The following HEYL variants were observed in gnomAD, a reference collection of about 807,000 sequenced individuals.
HEYL encodes hairy/enhancer-of-split related with YRPW motif-like protein.
HEYL carries 12 observed loss-of-function variants against 18.6 expected under a neutral mutation model. The observed-to-expected ratio is 0.65, with a 90% CI of 0.41 to 1.05. The LOEUF (loss-of-function observed/expected upper bound fraction) is 1.05, where lower values mean the gene tolerates loss of function less well. HEYL is among the 50% of genes least tolerant of loss of function. The pLI is 0.00. For synonymous variants in HEYL, 159 were observed against 179.6 expected (o/e 0.89, Z 0.91); for missense variants, 420 against 444.7 (o/e 0.94, Z 0.50).
chr1:39,637,026 A>G (rs1646365195), intron 1 of HEYL, among the ~76,000 whole-genome samples: 1 of 152,236 alleles, frequency 6.6e-6, no homozygotes, highest in East Asian at 1.9e-4. Flanking sequence ...ACTGAGGTTC[A>G]GAAAGGGGTA....
intron 2 of HEYL, among the ~76,000 whole-genome samples, 155 bp downstream of exon 2, chr1:39,632,494 G>A (rs1161212295): frequency 6.6e-6 from 1 of 152,204 alleles, no homozygotes; most frequent in East Asian, 1.9e-4. Flanking sequence ...GGCTTGCCTG[G>A]AATCACCCTG....
rs1383665703 is a variant in HEYL, at chr1:39,623,896, G to T, written c.*2611C>A. On this transcript the variant is annotated 3_prime_UTR_variant, in exon 5 of 5. Coordinates refer to ENST00000372852, the MANE Select transcript of HEYL (RefSeq NM_014571.4). ...GGCAAGAAATGAGGCTGGAAATGAG[G>T]TTGGGACCAAAAGAAGACCTTTAGA... Among the ~76,000 whole-genome samples, 1 of 152,208 alleles carries T rather than the reference G, an allele frequency of 6.6e-6. No individual in the cohort carries two copies. Among genetic ancestry groups the T allele is most frequent in the African/African-American group, 2.4e-5 (1 of 41,452 alleles).
rs2124117192 is a variant in HEYL, at chr1:39,632,717, T to C, written c.81-2A>G. 6.2e-7 allele frequency: 1 copy of C among 1,613,872 alleles called. No individual in the cohort carries two copies. The highest frequency in any genetic ancestry group is 2.2e-5 in the East Asian group (1 of 44,836). On this transcript the variant is annotated splice_acceptor_variant, in intron 1 of 4. Coordinates refer to ENST00000372852, the MANE Select transcript of HEYL (RefSeq NM_014571.4). LOFTEE classifies it high-confidence loss of function. ...GTGGACAGCGGCCTGGCCATCTGGC[T>C]GGAAAGGAAAAGAAAAGCTGATTTT...
intron 1 of HEYL, among the ~76,000 whole-genome samples, chr1:39,634,882 A>G (rs1319118843): frequency 1.3e-5 from 2 of 152,210 alleles, no homozygotes; most frequent in African/African-American, 4.8e-5. Context: ...CTCATGGTAG[A>G]GCTTTCTTCT....
intron 2 of HEYL, among the ~76,000 whole-genome samples, chr1:39,632,231 T>TG (rs1278934570): frequency 2.0e-5 from 3 of 152,166 alleles, no homozygotes; most frequent in Admixed American, 2.0e-4. Flanking sequence ...CTGAACATGA[T>TG]GGACAGATGA....
chr1:39,626,987 A>G lies in HEYL; in HGVS notation c.507T>C (p.Pro169=), dbSNP rs745987902. The stretch of plus-strand genomic sequence containing the variant: ...ACCAGGGCCAGGCAGGGAAGGCCAA[A>G]GGGCCAGTGGGCGTGGGCGAAGGCT... The part of the protein sequence containing the change: ...EMEPSPTPTG[P]LAFPAWPWSF... The change falls in exon 5 of 5, where the codon CCT becomes CCC. Residue 169 remains proline, a synonymous_variant. Coordinates refer to ENST00000372852, the MANE Select transcript of HEYL (RefSeq NM_014571.4). The G allele has an allele frequency of 1.9e-6, 3 of 1,614,154 alleles. No homozygotes were observed. The highest frequency in any genetic ancestry group is 3.3e-5 in the Admixed American group (2 of 60,026).
intron 1 of HEYL, chr1:39,633,004 C>T (rs1445842112): frequency 6.2e-6 from 6 of 974,354 alleles, no homozygotes; most frequent in Non-Finnish European, 4.9e-6. Context: ...GTGGCTCCGG[C>T]TCCTGCAACC....
At chr1:39,628,703 T>C (rs1646315409) in intron 4 of HEYL, among the ~76,000 whole-genome samples, 1 of 152,216 alleles carries the variant, frequency 6.6e-6, no homozygotes, top group South Asian at 2.1e-4. Flanking sequence ...GTTCATGCCA[T>C]TCTCCTGCCT....
In HEYL at chr1:39,627,510, C is replaced by T. The variant is rs190242678; in HGVS notation, c.314-330G>A. 1.4e-3 allele frequency among the ~76,000 whole-genome samples: 220 copies of T among 152,330 alleles called. 1 individual carries two copies. Among genetic ancestry groups the T allele is most frequent in the Non-Finnish European group, 2.2e-3 (148 of 68,030 alleles). On this transcript the variant is annotated intron_variant, in intron 4 of 4. Coordinates refer to ENST00000372852, the MANE Select transcript of HEYL (RefSeq NM_014571.4). The stretch of plus-strand genomic sequence containing the variant: ...TAACTTCATTGAAGTAGATACTTGA[C>T]AGATATGAAAGGTTATGCACTTGGA...
Position 39,626,735 on chromosome 1 carries a change from C to A in HEYL, c.759G>T (p.Arg253Ser). The A allele has an allele frequency of 6.6e-7, 1 of 1,514,014 alleles. No homozygotes were observed. Among genetic ancestry groups the A allele is most frequent in the Non-Finnish European group, 8.9e-7 (1 of 1,126,894 alleles). 93.8% of individuals were successfully genotyped at this position (1,514,014 alleles called of 1,614,324 possible). Residue 253 changes from arginine (R) to serine (S), a missense_variant, in exon 5 of 5, where the codon AGG becomes AGT. Coordinates refer to ENST00000372852, the MANE Select transcript of HEYL (RefSeq NM_014571.4). Reference protein sequence around the residue: ...SSTRRARPLERPATPVPVAPS... With the variant: ...SSTRRARPLESPATPVPVAPS... Reference sequence around the variant, plus strand: ...GGGCGACAGGCACAGGGGTCGCTGGCCTCTCTAGGGGGCGGGCCCTCCGGG... The same window carrying A: ...GGGCGACAGGCACAGGGGTCGCTGGACTCTCTAGGGGGCGGGCCCTCCGGG...
In HEYL at chr1:39,626,916, AG is replaced by A. The variant is rs1180784658; in HGVS notation, c.577del (p.Leu193SerfsTer59). Reference sequence around the variant, plus strand: ...GCTGGGCACTCTTCCCAGGATGGCGAGCTGGTTGCTCAGGGCTGGCAGCCCT... The same window carrying A: ...GCTGGGCACTCTTCCCAGGATGGCGACTGGTTGCTCAGGGCTGGCAGCCCT... ...CPGLPALSNQ[L>X]AILGRVPSPV... is the part of the protein sequence containing the mutation. On this transcript the variant is annotated frameshift_variant, in exon 5 of 5. Transcript: ENST00000372852. LOFTEE classifies it low-confidence loss of function (END_TRUNC). 1 of 1,611,398 alleles carries A rather than the reference AG, an allele frequency of 6.2e-7. No individual in the cohort carries two copies. The highest frequency in any genetic ancestry group is 1.7e-5 in the Admixed American group (1 of 59,860).
At chr1:39,629,475 A>G (rs1409291085) in intron 4 of HEYL, among the ~76,000 whole-genome samples, 1 of 152,152 alleles carries the variant, frequency 6.6e-6, no homozygotes, top group Non-Finnish European at 1.5e-5. Context: ...GCCTGCCCCA[A>G]GGTGACAATG....
chr1:39,626,882 G>T lies in HEYL; in HGVS notation c.612C>A (p.Leu204=). Residue 204 remains leucine, a synonymous_variant, in exon 5 of 5, where the codon CTC becomes CTA. Transcript: ENST00000372852. Reference sequence around the variant, plus strand: ...GGTAAGCAGGAGAGGAGACACCGGGGAGGACAGGGCTGGGCACTCTTCCCA... The same window carrying T: ...GGTAAGCAGGAGAGGAGACACCGGGTAGGACAGGGCTGGGCACTCTTCCCA... ...AILGRVPSPV[L]PGVSSPAYPI... 1.2e-6 allele frequency: 2 copies of T among 1,602,850 alleles called. No homozygotes were observed. Among genetic ancestry groups the T allele is most frequent in the Non-Finnish European group, 8.5e-7 (1 of 1,173,792 alleles).
chr1:39,625,878 C>G lies in HEYL; in HGVS notation c.*629G>C, dbSNP rs1646293999. ...CTGCTGGGAGGAGGGTGGGAGCAGGCTCTGCTGGGCCCCCAGTCTCCAGGC... is the reference window on the plus strand; with the variant it reads ...CTGCTGGGAGGAGGGTGGGAGCAGGGTCTGCTGGGCCCCCAGTCTCCAGGC... On this transcript the variant is annotated 3_prime_UTR_variant, in exon 5 of 5. Coordinates refer to ENST00000372852, the MANE Select transcript of HEYL (RefSeq NM_014571.4). The G allele has an allele frequency of 6.5e-6, 1 of 153,584 alleles. No homozygotes were observed. Among genetic ancestry groups the G allele is most frequent in the Non-Finnish European group, 1.4e-5 (1 of 69,162 alleles). The allele number at this position is 153,584 out of a possible 1,614,324, so 9.5% of individuals were successfully genotyped here.
Position 39,630,599 on chromosome 1 carries a change from C to T in HEYL, c.232-291G>A, listed in dbSNP as rs77634256. ...CCTTTCACCATGCCTCTTGATCTGC[C>T]GTCTCTTAACACAGTACTGTCCCTT... On this transcript the variant is annotated intron_variant, in intron 3 of 4. Coordinates refer to ENST00000372852, the MANE Select transcript of HEYL (RefSeq NM_014571.4). 2.9e-3 allele frequency among the ~76,000 whole-genome samples: 448 copies of T among 152,300 alleles called. 1 individual carries two copies. Among genetic ancestry groups the T allele is most frequent in the African/African-American group, 0.01 (430 of 41,560 alleles).
rs146516387 is a variant in HEYL at position 39,626,909 on chromosome 1, G to T, written c.585C>A (p.Ile195=). The part of the protein sequence containing the change: ...GLPALSNQLA[I]LGRVPSPVLP... ...GGACAGGGCTGGGCACTCTTCCCAGGATGGCGAGCTGGTTGCTCAGGGCTG... is the reference window on the plus strand; with the variant it reads ...GGACAGGGCTGGGCACTCTTCCCAGTATGGCGAGCTGGTTGCTCAGGGCTG... The change falls in exon 5 of 5, where the codon ATC becomes ATA. Residue 195 remains isoleucine (I), a synonymous_variant. Coordinates refer to ENST00000372852, the MANE Select transcript of HEYL (RefSeq NM_014571.4). The T allele has an allele frequency of 5.6e-6, 9 of 1,610,634 alleles. No homozygotes were observed. In the South Asian group the frequency reaches 9.9e-5, roughly 18 times the overall value.
chr1:39,638,278 A>G (rs1570445748), intron 1 of HEYL, among the ~76,000 whole-genome samples: 2 of 152,182 alleles, frequency 1.3e-5, no homozygotes, highest in East Asian at 1.9e-4. Context: ...AAATTACAAA[A>G]TGTCCTCAAA....
At chr1:39,634,333 G>A (rs559022392) in intron 1 of HEYL, among the ~76,000 whole-genome samples, 1 of 152,304 alleles carries the variant, frequency 6.6e-6, no homozygotes, top group African/African-American at 2.4e-5. Flanking sequence ...GACCTCAGGT[G>A]ATCTGCCCGC....
In HEYL at chr1:39,626,779, TG is replaced by T; in HGVS notation, c.714del (p.Ser239ValfsTer13). 6.4e-7 allele frequency: 1 copy of T among 1,552,870 alleles called. No individual in the cohort carries two copies. Among genetic ancestry groups the T allele is most frequent in the Non-Finnish European group, 8.7e-7 (1 of 1,147,018 alleles). On this transcript the variant is annotated frameshift_variant, in exon 5 of 5. Coordinates refer to ENST00000372852, the MANE Select transcript of HEYL (RefSeq NM_014571.4). LOFTEE classifies it low-confidence loss of function (END_TRUNC). ...CTCCGGGTGGAAGATGCCCCTCGAC[TG>T]GGCAGCACATTCCTCCGGGCTGGCA... ...IILPARRNVL[P>X]SRGASSTRRA... is the part of the protein sequence containing the mutation.
Sources: gnomAD v4.1 joint callset for allele counts (sites outside exome capture counted in the v4.1 genomes callset) on GRCh38, gnomAD v4.1.1 for gene constraint, MANE v1.5 for transcripts, NCBI Gene and HGNC (gene_info 2026-07-23, HGNC 2026-07-21) for gene names.